CSMD2: variants seen among roughly 807,000 people sequenced by gnomAD.
CSMD2 encodes CUB and sushi domain-containing protein 2.
CSMD2 carries 130 observed loss-of-function variants against 398.5 expected under a neutral mutation model. The observed-to-expected ratio is 0.33, with a 90% CI of 0.28 to 0.38. The LOEUF (loss-of-function observed/expected upper bound fraction) is 0.38. Among genes scored for constraint, CSMD2 ranks in the 10% least tolerant of loss-of-function variants. The probability of loss-of-function intolerance (pLI) is 1.00; values close to 1 mark genes in which losing one functional copy is unlikely to be tolerated. For synonymous variants in CSMD2, 1,828 were observed against 1,908.5 expected (o/e 0.96, Z 1.10); for missense variants, 3,829 against 4,764.9 (o/e 0.80, Z 5.78).
intron 1 of CSMD2, among the ~76,000 whole-genome samples, chr1:34,144,081 A>G (rs1639549510): frequency 6.6e-6 from 1 of 152,126 alleles, no homozygotes; most frequent in African/African-American, 2.4e-5. Flanking sequence ...TGTCTTAGTC[A>G]ACATCTCCTC....
At chr1:34,037,138 A>C (rs2148172250) in intron 2 of CSMD2, among the ~76,000 whole-genome samples, 1 of 151,608 alleles carries the variant, frequency 6.6e-6, no homozygotes, top group African/African-American at 2.4e-5. Context: ...AAGTTTTAAA[A>C]AATTATATCT....
intron 21 of CSMD2, among the ~76,000 whole-genome samples, chr1:33,709,882 G>A (rs1001699579): frequency 6.6e-5 from 10 of 152,000 alleles, no homozygotes; most frequent in African/African-American, 2.4e-4. Flanking sequence ...GTGGATTCAC[G>A]AGGAGGAGGG....
At chr1:34,151,180 A>T (rs1290769498) in intron 1 of CSMD2, among the ~76,000 whole-genome samples, 4 of 152,046 alleles carry the variant, frequency 2.6e-5, no homozygotes, top group Non-Finnish European at 5.9e-5. Flanking sequence ...CTGTGCTTGG[A>T]GCTCCTTTGG....
chr1:33,898,483 A>T (rs756161000), intron 5 of CSMD2, among the ~76,000 whole-genome samples: 35 of 152,210 alleles, frequency 2.3e-4, no homozygotes, highest in Non-Finnish European at 4.1e-4. Context: ...TGGATCTTTA[A>T]TAAGGAATCC....
intron 58 of CSMD2, 34 bp downstream of exon 58, chr1:33,542,686 T>C: frequency 6.3e-7 from 1 of 1,586,802 alleles, no homozygotes; most frequent in Non-Finnish European, 8.6e-7. Flanking sequence ...TGGGCCACTG[T>C]TGGCCATGGA....
chr1:33,623,035 A>T (rs567237121), intron 36 of CSMD2, among the ~76,000 whole-genome samples: 10 of 152,358 alleles, frequency 6.6e-5, no homozygotes, highest in African/African-American at 2.4e-4. Flanking sequence ...AGCCAAACAC[A>T]GAAGGCTTCC....
intron 49 of CSMD2, 94 bp downstream of exon 49, chr1:33,577,201 GA>G: frequency 8.7e-7 from 1 of 1,156,030 alleles, no homozygotes; most frequent in Non-Finnish European, 1.2e-6. Context: ...TATCAAAGAG[GA>G]AACCCACATT....
chr1:33,772,143 A>G (rs1651356314), intron 13 of CSMD2: 1 of 158,636 alleles, frequency 6.3e-6, no homozygotes, highest in Admixed American at 6.4e-5. Context: ...TGGCAAGGCC[A>G]GTTTCCCACA....
At chr1:33,996,353 C>G (rs1283231459) in intron 3 of CSMD2, among the ~76,000 whole-genome samples, 1 of 152,202 alleles carries the variant, frequency 6.6e-6, no homozygotes, top group Non-Finnish European at 1.5e-5. Context: ...CTTTGAATCC[C>G]TCCGCCCTGG....
At chr1:34,000,909 A>C (rs1646879952) in intron 3 of CSMD2, among the ~76,000 whole-genome samples, 1 of 151,908 alleles carries the variant, frequency 6.6e-6, no homozygotes, top group Non-Finnish European at 1.5e-5. Context: ...AACAGCTAAA[A>C]CAGGAAGAGA....
chr1:33,656,556 G>A (rs1173893115), intron 27 of CSMD2, among the ~76,000 whole-genome samples: 3 of 152,204 alleles, frequency 2.0e-5, no homozygotes, highest in East Asian at 1.9e-4. Flanking sequence ...CCTGGGCAGC[G>A]TACTGCCTCC....
Position 33,623,402 on chromosome 1 carries a change from T to C in CSMD2, c.5690A>G (p.Asp1897Gly), listed in dbSNP as rs1317856440. ...WDSLEVFDGA[D>G]NTVTMLGSFS... ...ACTCCCCAGCATGGTTACAGTGTTA[T>C]CTGCACCATCAAATACTTCCAGCGA... Residue 1897 changes from aspartate to glycine, a missense_variant, in exon 36 of 71, where the codon GAT becomes GGT. Transcript: ENST00000373381. The C allele has an allele frequency of 2.5e-6, 4 of 1,614,194 alleles. No homozygotes were observed. Among genetic ancestry groups the C allele is most frequent in the Non-Finnish European group, 3.4e-6 (4 of 1,180,036 alleles).
chr1:33,606,034 G>A (rs558172587), intron 41 of CSMD2: 5 of 1,581,312 alleles, frequency 3.2e-6, no homozygotes, highest in Middle Eastern at 1.7e-4. Flanking sequence ...CTGGGCTAAG[G>A]GACGTGTGGC....
At chr1:33,579,868 G>C (rs1002041261) in intron 48 of CSMD2, among the ~76,000 whole-genome samples, 6 of 151,990 alleles carry the variant, frequency 3.9e-5, no homozygotes. Context: ...TAGTAGAGAT[G>C]GGGTTTCACT....
chr1:33,605,771 G>A, intron 41 of CSMD2: 3 of 1,028,792 alleles, frequency 2.9e-6, no homozygotes, highest in South Asian at 1.5e-5. Flanking sequence ...GAGGCTCAAG[G>A]AAGACATTGC....
At chr1:33,786,997 T>C (rs1382803632) in intron 12 of CSMD2, among the ~76,000 whole-genome samples, 2 of 152,208 alleles carry the variant, frequency 1.3e-5, no homozygotes, top group Non-Finnish European at 2.9e-5. Context: ...CAAGTTAAGA[T>C]GGAGCCATGC....
At chr1:33,598,642 A>G (rs2148795291) in intron 44 of CSMD2, 2 of 152,774 alleles carry the variant, frequency 1.3e-5, no homozygotes, top group South Asian at 4.2e-4. Context: ...TCATGTGGTA[A>G]AAGCAGCAAA....
At position 34,089,024 on chromosome 1, in the gene CSMD2, G is replaced by A; in HGVS notation, c.357C>T (p.Val119=). Reference sequence around the variant, plus strand: ...GGGGTGGACCATCAAACACCGACAGGACATCAAAGTCCTCTTCCAGGGCAA... The same window carrying A: ...GGGGTGGACCATCAAACACCGACAGAACATCAAAGTCCTCTTCCAGGGCAA... ...QSFALEEDFD[V]LSVFDGPPQP... The change falls in exon 2 of 71, where the codon GTC becomes GTT. Residue 119 remains valine (V), a synonymous_variant. Transcript: ENST00000373381. 1 of 1,614,118 alleles carries A rather than the reference G, an allele frequency of 6.2e-7. No individual in the cohort carries two copies. The highest frequency in any genetic ancestry group is 8.5e-7 in the Non-Finnish European group (1 of 1,180,032).
intron 2 of CSMD2, among the ~76,000 whole-genome samples, chr1:34,067,820 A>G (rs931495251): frequency 6.6e-6 from 1 of 152,208 alleles, no homozygotes; most frequent in Non-Finnish European, 1.5e-5. Context: ...GGTCACTCTG[A>G]AGATGCTTTT....
Sources: gnomAD v4.1 joint callset for allele counts (sites outside exome capture counted in the v4.1 genomes callset) on GRCh38, gnomAD v4.1.1 for gene constraint, MANE v1.5 for transcripts, NCBI Gene and HGNC (gene_info 2026-07-23, HGNC 2026-07-21) for gene names.